ESPL1: variants seen among roughly 807,000 people sequenced by gnomAD.
ESPL1 encodes separin.
ESPL1 carries 50 observed loss-of-function variants against 217.2 expected under a neutral mutation model. The observed-to-expected ratio is 0.23, with a 90% confidence interval of 0.18 to 0.29. The LOEUF is 0.29. ESPL1 is among the 10% of genes least tolerant of loss of function. The pLI is 1.00. For missense variants in ESPL1, 1,834 were observed against 2,603.0 expected (o/e 0.70, Z 6.43); for synonymous variants, 994 against 1,081.3 (o/e 0.92, Z 1.58).
Position 53,272,728 on chromosome 12 carries a change from C to A in ESPL1, c.1377C>A (p.Tyr459Ter). 6.2e-7 allele frequency: 1 copy of A among 1,613,766 alleles called. No homozygotes were observed. Among genetic ancestry groups the A allele is most frequent in the Non-Finnish European group, 8.5e-7 (1 of 1,179,968 alleles). ...LTDHMGMTAS[Y>*]TSNLAYSFYS... The stretch of plus-strand genomic sequence containing the variant: ...GCCTTTTCTCCCCTGCAGCTTCTTA[C>A]ACCAGTAATTTGGCCTACAGCTTCT... The change falls in exon 6 of 31, where the codon TAC (tyrosine) becomes TAA (stop). Residue 459 changes from tyrosine to a stop codon, truncating the protein, a stop_gained. Coordinates refer to ENST00000257934, the MANE Select transcript of ESPL1 (RefSeq NM_012291.5). LOFTEE classifies it high-confidence loss of function.
intron 10 of ESPL1, 28 bp downstream of exon 10, chr12:53,277,636 G>C: frequency 6.2e-7 from 1 of 1,610,744 alleles, no homozygotes. Flanking sequence ...TGTGGCATGG[G>C]CATCTCCATG....
chr12:53,278,433 G>A (rs138336605), intron 11 of ESPL1, among the ~76,000 whole-genome samples: 3 of 150,024 alleles, frequency 2.0e-5, no homozygotes, highest in Admixed American at 6.7e-5. Flanking sequence ...CCAAGATCGC[G>A]CCACTGCACT....
chr12:53,276,358 T>C (rs1943765670), intron 7 of ESPL1, among the ~76,000 whole-genome samples: 1 of 152,062 alleles, frequency 6.6e-6, no homozygotes, highest in Non-Finnish European at 1.5e-5. Context: ...GGGAACCATA[T>C]GGAATGAAGG....
rs552067148 is a variant in ESPL1 at position 53,282,684 on chromosome 12, G to A, written c.2791+249G>A. 2.0e-5 allele frequency among the ~76,000 whole-genome samples: 3 copies of A among 152,084 alleles called. No homozygotes were observed. Among genetic ancestry groups the A allele is most frequent in the East Asian group, 1.9e-4 (1 of 5,182 alleles). On this transcript the variant is annotated intron_variant, in intron 14 of 30. Coordinates refer to ENST00000257934, the MANE Select transcript of ESPL1 (RefSeq NM_012291.5). The surrounding 1 kb of genome is among the most constrained non-coding windows in gnomAD (Gnocchi z 4.0). ...TCTTTTTTTTCTAAGACGGAGTTTC[G>A]CTGTTGTCACCCAGGCTGGAGTGCA...
Position 53,269,909 on chromosome 12 carries a change from A to C in ESPL1, c.967A>C (p.Ser323Arg). 6.2e-7 allele frequency: 1 copy of C among 1,614,186 alleles called. No homozygotes were observed. The highest frequency in any genetic ancestry group is 8.5e-7 in the Non-Finnish European group (1 of 1,180,032). Residue 323 changes from serine to arginine, a missense_variant, in exon 3 of 31, where the codon AGC becomes CGC. Physicochemically the swap from Ser to Arg is moderately radical, Grantham distance 110. This residue lies in a region of ESPL1 where 746 missense variants were observed against 1,077.0 expected (regional missense o/e 0.69). Transcript: ENST00000257934. The surrounding 1 kb of genome is among the most constrained non-coding windows in gnomAD (Gnocchi z 6.7). ...KLLIKASAVL[S>R]KSMEAPSPPL... The stretch of plus-strand genomic sequence containing the variant: ...TCTGATCAAGGCATCAGCTGTCCTG[A>C]GCAAGAGTATGGAGGCACCATCACC...
At position 53,289,256 on chromosome 12, in the gene ESPL1, C is replaced by T; in HGVS notation, c.4875C>T (p.Ser1625=). Reference sequence around the variant, plus strand: ...CTTTCCTTGTCACCGAGTCTGTCTCCATCACCTGTCGCCACCAGCTGCTCA... The same window carrying T: ...CTTTCCTTGTCACCGAGTCTGTCTCTATCACCTGTCGCCACCAGCTGCTCA... ...ATAFLVTESV[S]ITCRHQLLTH... Residue 1625 remains serine, a synonymous_variant, in exon 21 of 31, where the codon TCC becomes TCT. Transcript: ENST00000257934. The T allele has an allele frequency of 6.2e-7, 1 of 1,612,382 alleles. No individual in the cohort carries two copies. Among genetic ancestry groups the T allele is most frequent in the Non-Finnish European group, 8.5e-7 (1 of 1,180,036 alleles).
Position 53,286,509 on chromosome 12 carries a change from T to C in ESPL1, c.3773T>C (p.Ile1258Thr), listed in dbSNP as rs1300816161. Residue 1258 changes from isoleucine to threonine, a missense_variant, in exon 18 of 31, where the codon ATA (isoleucine) becomes ACA (threonine). By Grantham distance (89) the Ile-to-Thr change is moderately conservative. Coordinates refer to ENST00000257934, the MANE Select transcript of ESPL1 (RefSeq NM_012291.5). The surrounding 1 kb of genome is among the most constrained non-coding windows in gnomAD (Gnocchi z 5.3). ...QSGLKFVAAR[I>T]PHLEPWRASL... ...GGGCTGAAGTTTGTAGCAGCACGGA[T>C]ACCCCACCTAGAGCCCTGGCGAGCC... The C allele has an allele frequency of 6.2e-7, 1 of 1,614,188 alleles. No individual in the cohort carries two copies. The highest frequency in any genetic ancestry group is 1.3e-5 in the African/African-American group (1 of 75,056).
At chr12:53,279,338 G>A (rs1275652460) in intron 11 of ESPL1, among the ~76,000 whole-genome samples, 1 of 152,146 alleles carries the variant, frequency 6.6e-6, no homozygotes, top group Non-Finnish European at 1.5e-5. Context: ...TTCTAGCAGG[G>A]GAAGCTACCT....
At position 53,277,595 on chromosome 12, in the gene ESPL1, G is replaced by T; in HGVS notation, c.2211G>T (p.Leu737=). The change falls in exon 10 of 31, where the codon CTG becomes CTT. Residue 737 remains leucine, a synonymous_variant. Transcript: ENST00000257934. ...TATACAGTAACATTGCCTTCAACCTGGCTGCAGATGCTGGTGAGGGGTAAA... is the reference window on the plus strand; with the variant it reads ...TATACAGTAACATTGCCTTCAACCTTGCTGCAGATGCTGGTGAGGGGTAAA... The part of the protein sequence containing the change: ...RFLYSNIAFN[L]AADAAQSKCL... 1 of 1,614,158 alleles carries T rather than the reference G, an allele frequency of 6.2e-7. No individual in the cohort carries two copies. Among genetic ancestry groups the T allele is most frequent in the South Asian group, 1.1e-5 (1 of 91,072 alleles).
At position 53,289,151 on chromosome 12, in the gene ESPL1, C is replaced by G; in HGVS notation, c.4770C>G (p.His1590Gln). The G allele has an allele frequency of 6.2e-7, 1 of 1,614,240 alleles. No individual in the cohort carries two copies. The highest frequency in any genetic ancestry group is 8.5e-7 in the Non-Finnish European group (1 of 1,180,040). The change falls in exon 21 of 31, where the codon CAC becomes CAG. Residue 1590 changes from histidine to glutamine, a missense_variant. This residue lies in a region of ESPL1 where 681 missense variants were observed against 808.0 expected (regional missense o/e 0.84). Transcript: ENST00000257934. Reference protein sequence around the residue: ...SLSVAFRGISHCPPSGLYAHL... With the variant: ...SLSVAFRGISQCPPSGLYAHL... ...GTGTTGCTTTCCGGGGCATTAGTCACTGTCCTCCTAGTGGGCTCTATGCCC... is the reference window on the plus strand; with the variant it reads ...GTGTTGCTTTCCGGGGCATTAGTCAGTGTCCTCCTAGTGGGCTCTATGCCC...
rs1465204135 is a variant in ESPL1, at chr12:53,289,487, C to G, written c.5006C>G (p.Pro1669Arg). Residue 1669 changes from proline (P) to arginine (R), a missense_variant, in exon 22 of 31, where the codon CCC becomes CGC. Physicochemically the swap from Pro to Arg is moderately radical, Grantham distance 103 (BLOSUM62 -2). Around this residue, in one of 5 missense-constraint regions of ESPL1, gnomAD observed 681 missense variants for 808.0 expected, o/e 0.84. Transcript: ENST00000257934. The part of the protein sequence containing the change: ...LSLQEMPGDV[P>R]LARIQRLFSF... The stretch of plus-strand genomic sequence containing the variant: ...CTTCAGGAGATGCCTGGAGATGTCC[C>G]CCTGGCCCGCATCCAGCGCCTCTTT... 3 of 1,613,988 alleles carry G rather than the reference C, an allele frequency of 1.9e-6. No homozygotes were observed. The highest frequency in any genetic ancestry group is 2.5e-6 in the Non-Finnish European group (3 of 1,179,968).
chr12:53,270,304 A>G, intron 3 of ESPL1, 74 bp from the exon 4 acceptor site: 1 of 1,138,640 alleles, frequency 8.8e-7, no homozygotes, highest in South Asian at 1.2e-5. Context: ...GCTCTCCAGG[A>G]CTCCGGGTCA....
chr12:53,268,646 A>G (rs1943610648), intron 1 of ESPL1, 109 bp from the exon 2 acceptor site: 2 of 651,116 alleles, frequency 3.1e-6, no homozygotes, highest in African/African-American at 3.7e-5. Context: ...TTTCTCCCCG[A>G]TGAAATTTCT....
intron 6 of ESPL1, among the ~76,000 whole-genome samples, chr12:53,273,848 T>G (rs1268969880): frequency 9.4e-6 from 1 of 106,758 alleles, no homozygotes; most frequent in Non-Finnish European, 2.0e-5. Context: ...TTTTTTTTTT[T>G]TTTTTTTTTT....
At chr12:53,275,321 C>T (rs888356436) in intron 7 of ESPL1, among the ~76,000 whole-genome samples, 6 of 152,140 alleles carry the variant, frequency 3.9e-5, no homozygotes, top group Admixed American at 1.3e-4. Flanking sequence ...ATTAGCTGGG[C>T]GTGGTGGCGG....
chr12:53,279,966 C>T (rs1943834615), intron 12 of ESPL1, 100 bp downstream of exon 12: 2 of 1,317,242 alleles, frequency 1.5e-6, no homozygotes, highest in East Asian at 5.0e-5. Context: ...GCTTCTCGGC[C>T]TTTTACCACC....
Position 53,292,368 on chromosome 12 carries a change from G to A in ESPL1, c.5887G>A (p.Glu1963Lys). 1.2e-6 allele frequency: 2 copies of A among 1,613,814 alleles called. No individual in the cohort carries two copies. The highest frequency in any genetic ancestry group is 1.7e-6 in the Non-Finnish European group (2 of 1,179,778). Residue 1963 changes from glutamate (E) to lysine (K), a missense_variant, in exon 28 of 31, where the codon GAG (glutamate) becomes AAG (lysine). Glu to Lys is a moderately conservative substitution (Grantham distance 56). Around this residue, in one of 5 missense-constraint regions of ESPL1, gnomAD observed 295 missense variants for 519.8 expected, o/e 0.57. Transcript: ENST00000257934. The surrounding 1 kb of genome is among the most constrained non-coding windows in gnomAD (Gnocchi z 4.5). ...NPHNNLSSTE[E>K]QFRANFSSEA... ...TCACAATAACCTGTCAAGCACAGAG[G>A]AGCAATTTCGAGCCAATTTCAGCAG...
Position 53,286,372 on chromosome 12 carries a change from C to T in ESPL1, c.3636C>T (p.Pro1212=). 3.7e-6 allele frequency: 6 copies of T among 1,614,224 alleles called. No homozygotes were observed. Among genetic ancestry groups the T allele is most frequent in the Non-Finnish European group, 4.2e-6 (5 of 1,180,046 alleles). The change falls in exon 18 of 31, where the codon CCC becomes CCT. Residue 1212 remains proline, a synonymous_variant. Coordinates refer to ENST00000257934, the MANE Select transcript of ESPL1 (RefSeq NM_012291.5). This position sits in a 1 kb window ranked among gnomAD's most constrained non-coding sequence, Gnocchi z 5.3. The part of the protein sequence containing the change: ...LQASLNHKTP[P]SLVPSLLDEI... ...CTTCCCTGAATCATAAAACACCCCC[C>T]TCCTTGGTTCCAAGCCTCTTGGATG... is the stretch of plus-strand genomic sequence containing the variant.
At position 53,288,557 on chromosome 12, in the gene ESPL1, G is replaced by A. The variant is rs374902885; in HGVS notation, c.4566G>A (p.Pro1522=). The A allele has an allele frequency of 4.0e-5, 65 of 1,612,926 alleles. No individual in the cohort carries two copies. Among genetic ancestry groups the A allele is most frequent in the South Asian group, 1.9e-4 (17 of 91,020 alleles). The change falls in exon 20 of 31, where the codon CCG becomes CCA. Residue 1522 remains proline (P), a synonymous_variant. Coordinates refer to ENST00000257934, the MANE Select transcript of ESPL1 (RefSeq NM_012291.5). ...CCCCAGGTGGGAAGACTCCAGCTCC[G>A]GGCCCTGAGGCAGCTTCTGGAGAAT... ...DSASGGKTPA[P]GPEAASGEWE...
Sources: gnomAD v4.1 joint callset for allele counts (sites outside exome capture counted in the v4.1 genomes callset) on GRCh38, gnomAD v4.1.1 for gene constraint, gnomAD v4.1.1 regional missense constraint, Gnocchi (gnomAD v3.1) non-coding constraint, MANE v1.5 for transcripts, NCBI Gene and HGNC (gene_info 2026-07-23, HGNC 2026-07-21) for gene names.